Variants in AAMDC observed in about 807,000 individuals in gnomAD.
AAMDC encodes the protein adipogenesis associated Mth938 domain containing.
Under a neutral mutation model 15.5 loss-of-function variants are expected in AAMDC, and 16 were observed. The ratio of observed to expected loss-of-function variants is 1.03; its 90% CI spans 0.70 to 1.57. The LOEUF is 1.57. AAMDC is among the 40% of genes most tolerant of loss of function. The probability of loss-of-function intolerance (pLI) is 0.00; values close to 1 mark genes in which losing one functional copy is unlikely to be tolerated. For synonymous variants in AAMDC, 51 were observed against 51.6 expected, an observed-to-expected ratio of 0.99 and a Z score of 0.05; for missense variants, 141 against 144.9, an observed-to-expected ratio of 0.97 and a Z score of 0.14.
chr11:77,835,932 A>G (rs527236241), intron 1 of AAMDC, among the ~76,000 whole-genome samples: 1 of 152,226 alleles, frequency 6.6e-6, no homozygotes, highest in African/African-American at 2.4e-5. Flanking sequence ...AAATAATAAT[A>G]AAAATAAAGT....
chr11:77,876,549 A>C (rs907820450), downstream of AAMDC, among the ~76,000 whole-genome samples: 65 of 152,172 alleles, frequency 4.3e-4, no homozygotes, highest in Non-Finnish European at 7.3e-4. Context: ...ATTGCTTAGC[A>C]ACAAATTTGT....
chr11:77,870,552 T>TG (rs2136312976), intron 3 of AAMDC, among the ~76,000 whole-genome samples: 1 of 152,136 alleles, frequency 6.6e-6, no homozygotes, highest in East Asian at 1.9e-4. Context: ...TTAGCCAGGA[T>TG]GGTCTTGATC....
intron 5 of AAMDC, among the ~76,000 whole-genome samples, chr11:77,886,234 C>T (rs1428288518): frequency 6.6e-6 from 1 of 152,028 alleles, no homozygotes; most frequent in Non-Finnish European, 1.5e-5. Flanking sequence ...TCCCAGCATT[C>T]TCAGCAAAAC....
At chr11:77,856,675 T>C (rs1258524880) in intron 2 of AAMDC, among the ~76,000 whole-genome samples, 1 of 152,090 alleles carries the variant, frequency 6.6e-6, no homozygotes, top group Non-Finnish European at 1.5e-5. Context: ...CTTACATGGC[T>C]GGAGCAAGAG....
chr11:77,868,817 G>T, intron 2 of AAMDC: 2 of 214,790 alleles, frequency 9.3e-6, no homozygotes, highest in East Asian at 1.1e-4. Flanking sequence ...CGCTTAATTT[G>T]AACCCGGGTA....
intron 5 of AAMDC, among the ~76,000 whole-genome samples, chr11:77,898,290 G>A (rs1335957164): frequency 6.6e-6 from 1 of 152,144 alleles, no homozygotes; most frequent in Non-Finnish European, 1.5e-5. Context: ...AGCCTCCCGA[G>A]TAGCTGGGAT....
At chr11:77,890,978 G>C (rs1283554121) in intron 5 of AAMDC, among the ~76,000 whole-genome samples, 3 of 152,138 alleles carry the variant, frequency 2.0e-5, no homozygotes, top group Non-Finnish European at 4.4e-5. Flanking sequence ...ACAGTTTTCT[G>C]TAACAAAAGA....
At chr11:77,850,068 T>C (rs1950310345) in intron 2 of AAMDC, among the ~76,000 whole-genome samples, 1 of 152,234 alleles carries the variant, frequency 6.6e-6, no homozygotes, top group Admixed American at 6.5e-5. Flanking sequence ...AAATGTTTGC[T>C]GAATTGAAAT....
In AAMDC at chr11:77,872,333, A is replaced by G. The variant is rs148604757; in HGVS notation, c.*18A>G. 3.9e-3 allele frequency: 6,238 copies of G among 1,602,646 alleles called. 16 individuals are homozygous for G. The highest frequency in any genetic ancestry group is 4.8e-3 in the Non-Finnish European group (5,695 of 1,175,216). ...CCTGCTGATGGAGCCTTAAGAGGAG[A>G]ATAAATCACTAAGTGCCTATGCCTG... is the stretch of plus-strand genomic sequence containing the variant. On this transcript the variant is annotated 3_prime_UTR_variant, in exon 4 of 4. Coordinates refer to ENST00000393427, the MANE Select transcript of AAMDC (RefSeq NM_024684.4).
chr11:77,878,835 G>C (rs1951681773), intron 5 of AAMDC: 2 of 806,626 alleles, frequency 2.5e-6, no homozygotes, highest in Non-Finnish European at 4.4e-6. Context: ...AGACTGTAAG[G>C]GTCACATACT....
intron 1 of AAMDC, among the ~76,000 whole-genome samples, chr11:77,835,763 T>C (rs1471289572): frequency 6.6e-6 from 1 of 151,896 alleles, no homozygotes; most frequent in Non-Finnish European, 1.5e-5. Flanking sequence ...TACCAAAATA[T>C]ACAAAAAATT....
At chr11:77,902,613 CTAATGGGATTATTATGAGGGTTAAT>C, downstream of AAMDC, among the ~76,000 whole-genome samples, 1 of 152,178 alleles carries the variant, frequency 6.6e-6, no homozygotes, top group African/African-American at 2.4e-5. Context: ...TTATTCCTAT[CTAATGGGATTATTATGAGGGTTAAT>C]TAAGCTAATA....
At chr11:77,869,022 G>A in intron 2 of AAMDC, 1 of 340,702 alleles carries the variant, frequency 2.9e-6, no homozygotes, top group South Asian at 3.7e-5. Flanking sequence ...TTTTGCCATG[G>A]TAACATTTGT....
chr11:77,833,541 C>T (rs1949550945), intron 1 of AAMDC, among the ~76,000 whole-genome samples: 2 of 152,184 alleles, frequency 1.3e-5, no homozygotes, highest in Admixed American at 6.5e-5. Flanking sequence ...CAAAGTATCG[C>T]TCACTCACCT....
At chr11:77,887,852 A>G (rs1952084898) in intron 5 of AAMDC, among the ~76,000 whole-genome samples, 1 of 152,216 alleles carries the variant, frequency 6.6e-6, no homozygotes. Flanking sequence ...AATACCTAGG[A>G]ATCCAACTTA....
chr11:77,898,521 T>A (rs1377027513), intron 5 of AAMDC, among the ~76,000 whole-genome samples: 1 of 152,246 alleles, frequency 6.6e-6, no homozygotes, highest in East Asian at 1.9e-4. Flanking sequence ...AATCTTCATC[T>A]TCATCTTAGA....
chr11:77,891,424 G>A (rs1372781258), intron 5 of AAMDC: 7 of 1,613,478 alleles, frequency 4.3e-6, no homozygotes, highest in African/African-American at 4.0e-5. Flanking sequence ...TGTCTGACTC[G>A]CCCGCTGGCT....
At chr11:77,845,303 T>C (rs1950096943) in intron 2 of AAMDC, among the ~76,000 whole-genome samples, 1 of 152,210 alleles carries the variant, frequency 6.6e-6, no homozygotes, top group South Asian at 2.1e-4. Flanking sequence ...TTCTTTCCTT[T>C]GTCTCAGACT....
intron 3 of AAMDC, among the ~76,000 whole-genome samples, chr11:77,870,360 C>T (rs1231219483): frequency 2.0e-5 from 2 of 101,388 alleles, no homozygotes; most frequent in African/African-American, 4.1e-5. Flanking sequence ...TTTTTTGAGA[C>T]GGAGTCTTGT....
Sources: allele counts gnomAD v4.1 joint callset (sites outside exome capture counted in the v4.1 genomes callset), GRCh38; gene constraint gnomAD v4.1.1; transcripts MANE v1.5; gene names NCBI Gene and HGNC (gene_info 2026-07-23, HGNC 2026-07-21).